CREG2: variants seen among roughly 807,000 people sequenced by gnomAD.
CREG2 encodes cellular repressor of E1A stimulated genes 2.
Under a neutral mutation model 26.2 loss-of-function variants are expected in CREG2, and 24 were observed. The observed-to-expected ratio is 0.92, with a 90% CI of 0.66 to 1.29. The LOEUF is 1.29. CREG2 is among the 50% of genes most tolerant of loss of function. CREG2 has a pLI of 0.00. For missense variants in CREG2, 366 were observed against 398.6 expected (o/e 0.92, Z 0.70); for synonymous variants, 174 against 169.2 (o/e 1.03, Z -0.22).
At chr2:101,356,609 A>G (rs543017294) in intron 2 of CREG2, among the ~76,000 whole-genome samples, 1 of 152,198 alleles carries the variant, frequency 6.6e-6, no homozygotes, top group South Asian at 2.1e-4. Context: ...AAATTTTGGC[A>G]GGTGTTGGAT....
chr2:101,383,475 C>G, intron 2 of CREG2, 58 bp downstream of exon 2: 1 of 1,564,608 alleles, frequency 6.4e-7, no homozygotes, highest in Non-Finnish European at 8.8e-7. Context: ...AACCCACCCC[C>G]AACTCTCTGT....
Position 101,387,459 on chromosome 2 carries a change from T to C in CREG2, c.-2A>G. On this transcript the variant is annotated 5_prime_UTR_variant, in exon 1 of 4. Transcript: ENST00000324768. The surrounding 1 kb of genome is among the most constrained non-coding windows in gnomAD (Gnocchi z 4.7). ...CCGCCGGCCGCGGCGCACGGACATC[T>C]TGCAGGCAGCACGCCCGGCCGCCGG... The C allele has an allele frequency of 2.7e-6, 3 of 1,130,144 alleles. No homozygotes were observed. The highest frequency in any genetic ancestry group is 3.3e-6 in the Non-Finnish European group (3 of 897,008). 70.0% of individuals were successfully genotyped at this position (1,130,144 alleles called of 1,614,324 possible).
At position 101,351,061 on chromosome 2, in the gene CREG2, C is replaced by T; in HGVS notation, c.735G>A (p.Gly245=). The T allele has an allele frequency of 1.9e-6, 3 of 1,614,004 alleles. No homozygotes were observed. Among genetic ancestry groups the T allele is most frequent in the Non-Finnish European group, 2.5e-6 (3 of 1,179,950 alleles). ...AKQAMFSRHP[G]MRKWPRQYEW... ...CATATTGACGAGGCCACTTCCTCATCCCTGGGTGCCTGCAGGAATAAAGAG... is the reference window on the plus strand; with the variant it reads ...CATATTGACGAGGCCACTTCCTCATTCCTGGGTGCCTGCAGGAATAAAGAG... The change falls in exon 4 of 4, where the codon GGG becomes GGA. Residue 245 remains glycine (G), a synonymous_variant. Coordinates refer to ENST00000324768, the MANE Select transcript of CREG2 (RefSeq NM_153836.4).
chr2:101,351,032 C>G lies in CREG2; in HGVS notation c.764G>C (p.Trp255Ser). 6.2e-7 allele frequency: 1 copy of G among 1,614,118 alleles called. No individual in the cohort carries two copies. The highest frequency in any genetic ancestry group is 8.5e-7 in the Non-Finnish European group (1 of 1,180,000). Reference sequence around the variant, plus strand: ...TTCTATCCTCATCTTCATAAAGAACCATTCATATTGACGAGGCCACTTCCT... The same window carrying G: ...TTCTATCCTCATCTTCATAAAGAACGATTCATATTGACGAGGCCACTTCCT... ...GMRKWPRQYE[W>S]FFMKMRIEHI... The change falls in exon 4 of 4, where the codon TGG (tryptophan) becomes TCG (serine). Residue 255 changes from tryptophan to serine, a missense_variant. Trp to Ser is a radical substitution (Grantham distance 177). Transcript: ENST00000324768.
Position 101,383,643 on chromosome 2 carries a change from G to A in CREG2, c.501C>T (p.Ser167=). ...LPVSDGPFNN[S]TGIPFFYMTA... ...TCATGTAGAAGAAAGGAATCCCAGT[G>A]CTATTGTTGAAGGGGCCATCACTGA... Residue 167 remains serine, a synonymous_variant, in exon 2 of 4, where the codon AGC becomes AGT. Transcript: ENST00000324768. The A allele has an allele frequency of 6.2e-7, 1 of 1,614,114 alleles. No homozygotes were observed. Among genetic ancestry groups the A allele is most frequent in the South Asian group, 1.1e-5 (1 of 91,078 alleles).
chr2:101,355,661 C>CT (rs1684446359), intron 2 of CREG2, among the ~76,000 whole-genome samples: 1 of 130,840 alleles, frequency 7.6e-6, no homozygotes, highest in Non-Finnish European at 1.6e-5. Context: ...GAAATTGAGA[C>CT]GGGAAAGTTC....
rs1239557377 is a variant in CREG2, at chr2:101,355,414, C to T, written c.612-48G>A. 3 of 1,207,076 alleles carry T rather than the reference C, an allele frequency of 2.5e-6. No individual in the cohort carries two copies. The Admixed American group carries it at 5.3e-5, about 21-fold the overall frequency. The allele number at this position is 1,207,076 out of a possible 1,614,324, so 74.8% of individuals were successfully genotyped here. On this transcript the variant is annotated intron_variant, in intron 2 of 3. Transcript: ENST00000324768. ...GTATATCAGAACAAGGACAGAACAT[C>T]AGCCAGCAATTCTAACGATTTTATA...
chr2:101,370,058 G>A (rs1357532654), intron 2 of CREG2, among the ~76,000 whole-genome samples: 2 of 152,214 alleles, frequency 1.3e-5, no homozygotes, highest in African/African-American at 4.8e-5. Flanking sequence ...GAGCCAGGTT[G>A]CCTAGGAGTG....
intron 2 of CREG2, among the ~76,000 whole-genome samples, chr2:101,381,778 C>T (rs910581149): frequency 1.3e-5 from 2 of 152,180 alleles, no homozygotes; most frequent in Non-Finnish European, 2.9e-5. Flanking sequence ...CTCGAGCTGC[C>T]TCACCCAGTT....
chr2:101,383,680 T>G lies in CREG2; in HGVS notation c.464A>C (p.Asn155Thr). 3 of 1,609,860 alleles carry G rather than the reference T, an allele frequency of 1.9e-6. No individual in the cohort carries two copies. Among genetic ancestry groups the G allele is most frequent in the Non-Finnish European group, 2.5e-6 (3 of 1,177,630 alleles). Residue 155 changes from asparagine (N) to threonine (T), a missense_variant, in exon 2 of 4, where the codon AAC becomes ACC. By Grantham distance (65) the Asn-to-Thr change is moderately conservative. Coordinates refer to ENST00000324768, the MANE Select transcript of CREG2 (RefSeq NM_153836.4). ...GGGGCCATCACTGACGGGCAGGCAG[T>G]TCCCAAATGGCAGTCCTTGGATCTA... ...HKKIQGLPFGNCLPVSDGPFN... is the reference protein window; with the variant it reads ...HKKIQGLPFGTCLPVSDGPFN...
chr2:101,357,185 C>A (rs1220698907), intron 2 of CREG2, among the ~76,000 whole-genome samples: 2 of 152,184 alleles, frequency 1.3e-5, no homozygotes, highest in African/African-American at 4.8e-5. Flanking sequence ...CTGTGCTCAG[C>A]CCAATTTTTG....
intron 2 of CREG2, chr2:101,382,901 C>T (rs973572971): frequency 2.0e-6 from 2 of 985,592 alleles, no homozygotes; most frequent in African/African-American, 3.5e-5. Context: ...GCAGCTCCCA[C>T]ACCAGCTCCA....
In CREG2 at chr2:101,347,682, G is replaced by A. The variant is rs372941229; in HGVS notation, c.*3241C>T. The A allele has an allele frequency of 6.6e-5, 10 of 152,130 alleles. No homozygotes were observed. The East Asian group carries it at 1.9e-3, about 29-fold the overall frequency. The allele number at this position is 152,130 out of a possible 1,614,324, so 9.4% of individuals were successfully genotyped here. On this transcript the variant is annotated 3_prime_UTR_variant, in exon 4 of 4. Transcript: ENST00000324768. ...ATTTTCTAATTAGAATTTTTTAGCTGTTGAGTTTTGACAGTTCTTTATATA... is the reference window on the plus strand; with the variant it reads ...ATTTTCTAATTAGAATTTTTTAGCTATTGAGTTTTGACAGTTCTTTATATA...
intron 3 of CREG2, among the ~76,000 whole-genome samples, chr2:101,352,497 C>G (rs1684398327): frequency 6.6e-6 from 1 of 152,124 alleles, no homozygotes; most frequent in African/African-American, 2.4e-5. Context: ...AGGAGACTGA[C>G]AGTGAGGGCT....
chr2:101,375,535 A>G (rs1684776904), intron 2 of CREG2: 1 of 152,802 alleles, frequency 6.5e-6, no homozygotes, highest in Non-Finnish European at 1.5e-5. Context: ...CTACCTAGGA[A>G]ACTAGCATGT....
intron 2 of CREG2, among the ~76,000 whole-genome samples, chr2:101,373,222 C>T (rs886513202): frequency 5.3e-5 from 8 of 151,170 alleles, no homozygotes; most frequent in East Asian, 3.9e-4. Flanking sequence ...CAACTCATGA[C>T]GAATGGATAA....
chr2:101,382,722 T>G, intron 2 of CREG2: 1 of 985,436 alleles, frequency 1.0e-6, no homozygotes, highest in Non-Finnish European at 1.2e-6. Flanking sequence ...ATGTTTTCCG[T>G]GCTGTGCATA....
chr2:101,349,161 A>T lies in CREG2; in HGVS notation c.*1762T>A, dbSNP rs1486445672. 8 of 152,644 alleles carry T rather than the reference A, an allele frequency of 5.2e-5. No individual in the cohort carries two copies. The highest frequency in any genetic ancestry group is 1.9e-4 in the African/African-American group (8 of 41,458). 9.5% of individuals were successfully genotyped at this position (152,644 alleles called of 1,614,324 possible). ...GGTGTGAGGTTGACTTATGCAATAC[A>T]TTTGAGCATGTCATTTGTTCTTCCA... On this transcript the variant is annotated 3_prime_UTR_variant, in exon 4 of 4. Coordinates refer to ENST00000324768, the MANE Select transcript of CREG2 (RefSeq NM_153836.4).
rs773487553 is a variant in CREG2, at chr2:101,355,252, C to T, written c.725+1G>A. On this transcript the variant is annotated splice_donor_variant, in intron 3 of 3. Coordinates refer to ENST00000324768, the MANE Select transcript of CREG2 (RefSeq NM_153836.4). LOFTEE classifies it high-confidence loss of function. ...ATATAAATTTTAAAGCATTTACACA[C>T]CTTGAAAACATGGCTTGCTTGGCAA... 6.3e-7 allele frequency: 1 copy of T among 1,593,796 alleles called. No individual in the cohort carries two copies. The highest frequency in any genetic ancestry group is 8.6e-7 in the Non-Finnish European group (1 of 1,161,588).
Sources: gnomAD v4.1 joint callset for allele counts (sites outside exome capture counted in the v4.1 genomes callset) on GRCh38, gnomAD v4.1.1 for gene constraint, Gnocchi (gnomAD v3.1) non-coding constraint, MANE v1.5 for transcripts, NCBI Gene and HGNC (gene_info 2026-07-23, HGNC 2026-07-21) for gene names.